Variants in RNF213 observed in about 807,000 individuals in gnomAD.
RNF213 encodes E3 ubiquitin-protein ligase RNF213.
RNF213 carries 341 observed loss-of-function variants against 514.4 expected under a neutral mutation model. That is an observed-to-expected ratio of 0.66 (90% CI 0.61 to 0.73). The LOEUF (loss-of-function observed/expected upper bound fraction) is 0.73. Among genes scored for constraint, RNF213 ranks in the 30% least tolerant of loss-of-function variants. The pLI, the probability that RNF213 is intolerant of heterozygous loss-of-function variation, is 0.00. For missense variants in RNF213, 5,767 were observed against 6,615.6 expected (o/e 0.87, Z 4.45); for synonymous variants, 2,655 against 2,658.2 (o/e 1.00, Z 0.04).
chr17:80,356,016 T>C (rs1276325947), intron 36 of RNF213, among the ~76,000 whole-genome samples: 1 of 151,790 alleles, frequency 6.6e-6, no homozygotes, highest in Non-Finnish European at 1.5e-5. Context: ...GCTTTTTTTT[T>C]TTTGAGACGG....
intron 63 of RNF213, among the ~76,000 whole-genome samples, chr17:80,388,246 T>G (rs2144653021): frequency 1.3e-5 from 2 of 152,364 alleles, no homozygotes; most frequent in Middle Eastern, 3.4e-3. Flanking sequence ...TAATTCATTC[T>G]CACAGCCATT....
rs1245036666 is a variant in RNF213, at chr17:80,377,394, T to C, written c.13511-368T>C. On this transcript the variant is annotated intron_variant, in intron 53 of 67. Transcript: ENST00000582970. The surrounding 1 kb of genome is among the most constrained non-coding windows in gnomAD (Gnocchi z 4.1). ...AATTTTGCTGTTGCCTGAGTAAATA[T>C]TTTAAAACTAGTTTTTAAAGTTGTT... Among the ~76,000 whole-genome samples, 1 of 152,008 alleles carries C rather than the reference T, an allele frequency of 6.6e-6. No homozygotes were observed. The highest frequency in any genetic ancestry group is 1.5e-5 in the Non-Finnish European group (1 of 68,018).
At chr17:80,336,050 TA>T in intron 22 of RNF213, 110 bp from the exon 23 acceptor site, 4 of 873,796 alleles carry the variant, frequency 4.6e-6, no homozygotes, top group Non-Finnish European at 6.9e-6. Context: ...GACAGAACCT[TA>T]AAAATTCATG....
At chr17:80,336,110 T>C in intron 22 of RNF213, 51 bp from the exon 23 acceptor site, 5 of 1,426,080 alleles carry the variant, frequency 3.5e-6, no homozygotes, top group Non-Finnish European at 4.8e-6. Flanking sequence ...GACCGAGTCT[T>C]GTGCTATCGT....
chr17:80,315,378 A>C (rs374792078), intron 15 of RNF213, among the ~76,000 whole-genome samples: 1 of 13,462 alleles, frequency 7.4e-5, no homozygotes, highest in Non-Finnish European at 1.1e-4. Flanking sequence ...GGTGGAGGTA[A>C]TGGAGGTGAT....
At chr17:80,374,878 T>G (rs1599172277) in intron 50 of RNF213, 1 of 429,190 alleles carries the variant, frequency 2.3e-6, no homozygotes, top group Non-Finnish European at 4.4e-6. Context: ...TGCCCATTAC[T>G]TCCTTTGAGA....
At chr17:80,318,523 G>C (rs1266520633) in intron 16 of RNF213, among the ~76,000 whole-genome samples, 2 of 152,186 alleles carry the variant, frequency 1.3e-5, no homozygotes, top group Non-Finnish European at 2.9e-5. Flanking sequence ...GCTGAATTAA[G>C]GCCTGAGGCT....
At chr17:80,268,056 A>G (rs915476799) in intron 2 of RNF213, among the ~76,000 whole-genome samples, 4 of 152,030 alleles carry the variant, frequency 2.6e-5, no homozygotes, top group Non-Finnish European at 5.9e-5. Flanking sequence ...CTTGACCTCA[A>G]GTGATCCCCC....
rs191250827 is a variant in RNF213 at position 80,282,437 on chromosome 17, C to T, written c.262-5378C>T. The stretch of plus-strand genomic sequence containing the variant: ...TTTTTGAGATGGAGTCTCACTCTGT[C>T]GCCCAGGCCGGAGTGCAGTGGCACA... On this transcript the variant is annotated intron_variant, in intron 3 of 67. Transcript: ENST00000582970. Among the ~76,000 whole-genome samples, 12 of 152,030 alleles carry T rather than the reference C, an allele frequency of 7.9e-5. 1 individual carries two copies. The highest frequency in any genetic ancestry group is 5.9e-4 in the Admixed American group (9 of 15,272).
chr17:80,369,793 C>T lies in RNF213; in HGVS notation c.12351C>T (p.Leu4117=). ...GACACTGTGAACACACAAAATCTCT[C>T]TCTCCATTCAATGATGTTGTGGATA... is the stretch of plus-strand genomic sequence containing the variant. ...AQRHCEHTKS[L]SPFNDVVDKT... Residue 4117 remains leucine, a synonymous_variant, in exon 46 of 68, where the codon CTC becomes CTT. Coordinates refer to ENST00000582970, the MANE Select transcript of RNF213 (RefSeq NM_001256071.3). 1.9e-6 allele frequency: 3 copies of T among 1,613,936 alleles called. No homozygotes were observed. Among genetic ancestry groups the T allele is most frequent in the Non-Finnish European group, 2.5e-6 (3 of 1,179,826 alleles).
At chr17:80,365,868 A>C (rs953240702) in intron 42 of RNF213, among the ~76,000 whole-genome samples, 4 of 152,184 alleles carry the variant, frequency 2.6e-5, no homozygotes, top group Non-Finnish European at 5.9e-5. Flanking sequence ...CATAAACCCA[A>C]AGGTAAAGGA....
intron 44 of RNF213, 119 bp downstream of exon 44, chr17:80,368,262 G>A (rs1372938508): frequency 2.7e-6 from 3 of 1,118,804 alleles, no homozygotes; most frequent in African/African-American, 3.1e-5. Context: ...TGACCTCAGA[G>A]AACTATCATA....
intron 41 of RNF213, 99 bp from the exon 42 acceptor site, chr17:80,364,334 C>G: frequency 6.4e-7 from 1 of 1,565,384 alleles, no homozygotes; most frequent in Non-Finnish European, 8.8e-7. Flanking sequence ...GGCCTGGACC[C>G]CGGGTCCCGC....
rs753199164 is a variant in RNF213, at chr17:80,287,966, C to A, written c.413C>A (p.Ala138Asp). The A allele has an allele frequency of 6.4e-7, 1 of 1,573,972 alleles. No individual in the cohort carries two copies. Among genetic ancestry groups the A allele is most frequent in the South Asian group, 1.1e-5 (1 of 87,066 alleles). ...PQDTALPHSQ[A>D]QQSGPTGQPS... ...GACACAGCCCTGCCCCACAGCCAAGCCCAGCAGAGTGGCCCCACTGGCCAG... is the reference window on the plus strand; with the variant it reads ...GACACAGCCCTGCCCCACAGCCAAGACCAGCAGAGTGGCCCCACTGGCCAG... The change falls in exon 4 of 68, where the codon GCC becomes GAC. Residue 138 changes from alanine to aspartate, a missense_variant. By Grantham distance (126) the Ala-to-Asp change is moderately radical. Around this residue, in one of 13 missense-constraint regions of RNF213, gnomAD observed 509 missense variants for 496.7 expected, o/e 1.02. Coordinates refer to ENST00000582970, the MANE Select transcript of RNF213 (RefSeq NM_001256071.3).
At chr17:80,378,948 T>TA (rs1451369314) in intron 54 of RNF213, among the ~76,000 whole-genome samples, 2 of 152,146 alleles carry the variant, frequency 1.3e-5, no homozygotes, top group African/African-American at 4.8e-5. Context: ...CTGAGGCAGG[T>TA]GGATTGCTAG....
Position 80,345,261 on chromosome 17 carries a change from A to G in RNF213, c.6926A>G (p.Asn2309Ser), listed in dbSNP as rs772994903. ...GAGCCTCACCCATACGTTTTCTTCA[A>G]TGACGACCACACAACCATGACATTC... ...ESEPHPYVFF[N>S]DDHTTMTFIG... is the part of the protein sequence containing the mutation. Residue 2309 changes from asparagine (N) to serine (S), a missense_variant, in exon 29 of 68, where the codon AAT becomes AGT. By Grantham distance (46) the Asn-to-Ser change is conservative. Transcript: ENST00000582970. This position sits in a 1 kb window ranked among gnomAD's most constrained non-coding sequence, Gnocchi z 6.0. 5.6e-6 allele frequency: 9 copies of G among 1,614,114 alleles called. No individual in the cohort carries two copies. Among genetic ancestry groups the G allele is most frequent in the Non-Finnish European group, 5.9e-6 (7 of 1,180,028 alleles).
chr17:80,309,700 C>T (rs1033143754), intron 14 of RNF213, among the ~76,000 whole-genome samples: 1 of 152,096 alleles, frequency 6.6e-6, no homozygotes, highest in African/African-American at 2.4e-5. Flanking sequence ...CCGGCTCCTC[C>T]GTCCCAAAGA....
At chr17:80,381,106 T>G in intron 56 of RNF213, 119 bp downstream of exon 56, 1 of 1,027,132 alleles carries the variant, frequency 9.7e-7, no homozygotes, top group Non-Finnish European at 1.5e-6. Context: ...ATAATTAGTC[T>G]ACAAAGTAAT....
intron 11 of RNF213, among the ~76,000 whole-genome samples, chr17:80,305,628 T>C (rs1342879746): frequency 2.0e-5 from 3 of 151,936 alleles, no homozygotes; most frequent in Admixed American, 6.6e-5. Context: ...TTTTTTTTTT[T>C]TGAGACAGAG....
Sources: allele counts gnomAD v4.1 joint callset (sites outside exome capture counted in the v4.1 genomes callset), GRCh38; gene constraint gnomAD v4.1.1; regional missense constraint gnomAD v4.1.1; non-coding constraint Gnocchi (gnomAD v3.1); transcripts MANE v1.5; gene names NCBI Gene and HGNC (gene_info 2026-07-23, HGNC 2026-07-21).